The following SYT8 variants were observed in gnomAD, a reference collection of about 807,000 sequenced individuals.
SYT8 encodes synaptotagmin 8, also known as synaptotagmin-8.
A neutral mutation model predicts 34.9 loss-of-function variants in SYT8; 50 were observed. The ratio of observed to expected loss-of-function variants is 1.43; its 90% CI spans 1.14 to 1.81. SYT8 has a LOEUF of 1.81. SYT8 is among the 40% of genes most tolerant of loss of function. SYT8 has a pLI of 0.00. For missense variants in SYT8, 595 were observed against 529.0 expected (o/e 1.12, Z -1.22); for synonymous variants, 255 against 234.2 (o/e 1.09, Z -0.81).
rs754260578 is a variant in SYT8 at position 1,835,400 on chromosome 11, C to T, written c.199C>T (p.Pro67Ser). Residue 67 changes from proline to serine, a missense_variant, in exon 2 of 8, where the codon CCC becomes TCC. Coordinates refer to ENST00000341958, the MANE Select transcript of SYT8 (RefSeq NM_001394072.1). ...CCCCRRHRKK[P>S]RDKESVGLGS... ...CTGCTGCCGCCGCCACAGGAAGAAG[C>T]CCAGGGACAAGGAGTCCGTGGGTCT... The T allele has an allele frequency of 1.2e-6, 2 of 1,609,416 alleles. No homozygotes were observed. Among genetic ancestry groups the T allele is most frequent in the Non-Finnish European group, 1.7e-6 (2 of 1,179,544 alleles).
upstream of SYT8, chr11:1,834,188 C>T (rs1036124174): frequency 7.6e-5 from 26 of 340,906 alleles, no homozygotes; most frequent in Admixed American, 1.9e-4. The surrounding 1 kb of genome is among the most constrained non-coding windows in gnomAD (Gnocchi z 4.5). Context: ...CCTGGTTCCC[C>T]TGCCTGTAGG....
chr11:1,833,537 T>G (rs1846747321), upstream of SYT8, among the ~76,000 whole-genome samples: 1 of 152,228 alleles, frequency 6.6e-6, no homozygotes, highest in Non-Finnish European at 1.5e-5. Flanking sequence ...TCCATTGTGC[T>G]GGCCCCTGTG....
chr11:1,836,917 C>T (rs377582910), intron 6 of SYT8, 40 bp from the exon 7 acceptor site: 44 of 1,612,800 alleles, frequency 2.7e-5, no homozygotes, highest in South Asian at 1.1e-4. Context: ...TGCTCAGCCC[C>T]GAGCCCTGGG....
chr11:1,834,731 G>A, upstream of SYT8: 1 of 1,012,346 alleles, frequency 9.9e-7, no homozygotes, highest in South Asian at 1.4e-5. The surrounding 1 kb of genome is among the most constrained non-coding windows in gnomAD (Gnocchi z 4.5). Flanking sequence ...GAGAGAAGCA[G>A]GGAGGGAGAG....
intron 2 of SYT8, 196 bp from the exon 3 acceptor site, chr11:1,835,690 G>A (rs1846874484): frequency 1.4e-6 from 1 of 737,670 alleles, no homozygotes; most frequent in East Asian, 2.7e-5. Context: ...GAGGAAGGCA[G>A]GGGGTACCCC....
At chr11:1,834,642 A>G, upstream of SYT8, 1 of 1,573,016 alleles carries the variant, frequency 6.4e-7, no homozygotes, top group Non-Finnish European at 8.6e-7. This position sits in a 1 kb window ranked among gnomAD's most constrained non-coding sequence, Gnocchi z 4.5. Flanking sequence ...AGAGGCAAGG[A>G]AGTGATGGGA....
rs746420007 is a variant in SYT8, at chr11:1,835,216, C to G, written c.94+17C>G. 2.5e-6 allele frequency: 4 copies of G among 1,612,132 alleles called. No homozygotes were observed. In the African/African-American group the frequency reaches 5.3e-5, roughly 22 times the overall value. On this transcript the variant is annotated intron_variant, in intron 1 of 7. Coordinates refer to ENST00000341958, the MANE Select transcript of SYT8 (RefSeq NM_001394072.1). ...GGACCCCCTGTGAGTTGTGGGATTC[C>G]CAAGAGGGGTGTGGGGATAACCCAG... is the stretch of plus-strand genomic sequence containing the variant.
At position 1,835,912 on chromosome 11, in the gene SYT8, G is replaced by A. The variant is rs1034889004; in HGVS notation, c.285G>A (p.Glu95=). The A allele has an allele frequency of 6.2e-7, 1 of 1,610,624 alleles. No homozygotes were observed. Among genetic ancestry groups the A allele is most frequent in the Non-Finnish European group, 8.5e-7 (1 of 1,179,116 alleles). ...TGCAACCTGATGTGGATGGCCTGGA[G>A]TCCAGCCCGGGGGATGCTCAGCAAT... The part of the protein sequence containing the change: ...HLVQPDVDGL[E]SSPGDAQQWG... The change falls in exon 3 of 8, where the codon GAG becomes GAA. Residue 95 remains glutamate, a synonymous_variant. Transcript: ENST00000341958.
chr11:1,837,322 C>T lies in SYT8; in HGVS notation c.1055C>T (p.Ala352Val), dbSNP rs372434547. ...CACTGGGCAGACATGCTGGCCCACG[C>T]CCGGCGGCCCATTGCCCAGCGGCAC... ...LQHWADMLAHARRPIAQRHPL... is the reference protein window; with the variant it reads ...LQHWADMLAHVRRPIAQRHPL... Residue 352 changes from alanine to valine, a missense_variant, in exon 8 of 8, where the codon GCC (alanine) becomes GTC (valine). Physicochemically the swap from Ala to Val is moderately conservative, Grantham distance 64. Transcript: ENST00000341958. 12 of 1,590,446 alleles carry T rather than the reference C, an allele frequency of 7.5e-6. No homozygotes were observed. The highest frequency in any genetic ancestry group is 5.4e-5 in the African/African-American group (4 of 74,666).
Position 1,837,325 on chromosome 11 carries a change from G to A in SYT8, c.1058G>A (p.Arg353Gln), listed in dbSNP as rs369412710. The A allele has an allele frequency of 2.2e-5, 35 of 1,590,664 alleles. No individual in the cohort carries two copies. Among genetic ancestry groups the A allele is most frequent in the African/African-American group, 6.7e-5 (5 of 74,654 alleles). Reference sequence around the variant, plus strand: ...TGGGCAGACATGCTGGCCCACGCCCGGCGGCCCATTGCCCAGCGGCACCCC... The same window carrying A: ...TGGGCAGACATGCTGGCCCACGCCCAGCGGCCCATTGCCCAGCGGCACCCC... ...QHWADMLAHA[R>Q]RPIAQRHPLR... The change falls in exon 8 of 8, where the codon CGG becomes CAG. Residue 353 changes from arginine (R) to glutamine (Q), a missense_variant. Coordinates refer to ENST00000341958, the MANE Select transcript of SYT8 (RefSeq NM_001394072.1).
intron 2 of SYT8, 101 bp downstream of exon 2, chr11:1,835,560 C>T (rs1589788650): frequency 1.4e-6 from 2 of 1,396,444 alleles, no homozygotes; most frequent in Non-Finnish European, 2.0e-6. Flanking sequence ...GATGGTTTAA[C>T]CCCCACAGAG....
upstream of SYT8, among the ~76,000 whole-genome samples, chr11:1,832,264 G>A (rs1259539471): frequency 6.6e-6 from 1 of 152,190 alleles, no homozygotes; most frequent in African/African-American, 2.4e-5. Flanking sequence ...CTTCTAAGCA[G>A]CTTGGCAGCT....
upstream of SYT8, among the ~76,000 whole-genome samples, chr11:1,832,732 C>T (rs1035307050): frequency 6.6e-6 from 1 of 152,122 alleles, no homozygotes; most frequent in Non-Finnish European, 1.5e-5. Flanking sequence ...GCCAGCGCCC[C>T]CAGGGTCCTG....
At chr11:1,835,824 G>T in intron 2 of SYT8, 62 bp from the exon 3 acceptor site, 1 of 1,434,406 alleles carries the variant, frequency 7.0e-7, no homozygotes, top group Non-Finnish European at 9.8e-7. Context: ...CTGCCCGGGA[G>T]CCCAGGGCTC....
At chr11:1,837,163 A>T (rs896040735) in intron 7 of SYT8, 29 bp from the exon 8 acceptor site, 2 of 1,588,822 alleles carry the variant, frequency 1.3e-6, no homozygotes, top group African/African-American at 1.3e-5. Flanking sequence ...TTCTCCCCCA[A>T]CTCCAACCTC....
At chr11:1,834,974 G>A, upstream of SYT8, 1 of 912,424 alleles carries the variant, frequency 1.1e-6, no homozygotes, top group Non-Finnish European at 1.7e-6. The surrounding 1 kb of genome is among the most constrained non-coding windows in gnomAD (Gnocchi z 4.5). Context: ...ACCCCGTGCT[G>A]CCTCCTTGCC....
In SYT8 at chr11:1,835,187, G is replaced by A. The variant is rs751166451; in HGVS notation, c.82G>A (p.Ala28Thr). Residue 28 changes from alanine (A) to threonine (T), a missense_variant, in exon 1 of 8, where the codon GCC becomes ACC. Coordinates refer to ENST00000341958, the MANE Select transcript of SYT8 (RefSeq NM_001394072.1). ...AIPGLIPDLVAGTPWPRWALI... is the reference protein window; with the variant it reads ...AIPGLIPDLVTGTPWPRWALI... ...ACCTGGGCTTATTCCAGACCTTGTCGCCGGGACCCCCTGTGAGTTGTGGGA... is the reference window on the plus strand; with the variant it reads ...ACCTGGGCTTATTCCAGACCTTGTCACCGGGACCCCCTGTGAGTTGTGGGA... 1.9e-5 allele frequency: 30 copies of A among 1,613,178 alleles called. No individual in the cohort carries two copies. Among genetic ancestry groups the A allele is most frequent in the East Asian group, 4.5e-5 (2 of 44,890 alleles).
In SYT8 at chr11:1,836,000, G is replaced by T. The variant is rs746098376; in HGVS notation, c.357+16G>T. 2 of 1,602,004 alleles carry T rather than the reference G, an allele frequency of 1.2e-6. No homozygotes were observed. The highest frequency in any genetic ancestry group is 1.8e-5 in the Admixed American group (1 of 56,548). On this transcript the variant is annotated intron_variant, in intron 3 of 7. Coordinates refer to ENST00000341958, the MANE Select transcript of SYT8 (RefSeq NM_001394072.1). The stretch of plus-strand genomic sequence containing the variant: ...AAGCCAGGAGGTGAAGGGCCCCGCT[G>T]CGCAGGACCAGCGGTTCTGCGAGTT...
upstream of SYT8, chr11:1,834,447 C>T (rs1846786899): frequency 1.1e-6 from 1 of 891,532 alleles, no homozygotes; most frequent in Admixed American, 2.1e-5. This position sits in a 1 kb window ranked among gnomAD's most constrained non-coding sequence, Gnocchi z 4.5. Flanking sequence ...GCCCTGAGCC[C>T]CTGCCAGGAA....
Sources: allele counts gnomAD v4.1 joint callset (sites outside exome capture counted in the v4.1 genomes callset), GRCh38; gene constraint gnomAD v4.1.1; non-coding constraint Gnocchi (gnomAD v3.1); transcripts MANE v1.5; gene names NCBI Gene and HGNC (gene_info 2026-07-23, HGNC 2026-07-21).